The following EYS variants were observed in gnomAD, a reference collection of about 807,000 sequenced individuals.
The protein encoded by EYS is EGF-like photoreceptor maintenance factor.
Under a neutral mutation model 282.1 loss-of-function variants are expected in EYS, and 250 were observed. The observed-to-expected ratio is 0.89, with a 90% confidence interval of 0.80 to 0.98. The LOEUF (loss-of-function observed/expected upper bound fraction) is 0.98, where lower values mean the gene tolerates loss of function less well. Ranked by LOEUF, EYS falls within the 50% of genes least tolerant of loss-of-function variation. The probability of loss-of-function intolerance (pLI) is 0.00; values close to 1 mark genes in which losing one functional copy is unlikely to be tolerated. For synonymous variants in EYS, 1,355 were observed against 1,282.9 expected, an observed-to-expected ratio of 1.06 and a Z score of -1.20; for missense variants, 4,016 against 3,709.0, an observed-to-expected ratio of 1.08 and a Z score of -2.15.
chr6:64,530,409 C>A (rs992258461), intron 26 of EYS, among the ~76,000 whole-genome samples: 5 of 151,958 alleles, frequency 3.3e-5, no homozygotes, highest in Admixed American at 1.3e-4. Flanking sequence ...TTTATATCTG[C>A]AGGACATGTG....
chr6:64,747,697 C>T, intron 22 of EYS, among the ~76,000 whole-genome samples: 1 of 152,188 alleles, frequency 6.6e-6, no homozygotes, highest in East Asian at 1.9e-4. Context: ...CTTAATAGCG[C>T]CTTCATTTCT....
chr6:64,624,344 G>A (rs1288684370), intron 23 of EYS, among the ~76,000 whole-genome samples: 1 of 152,068 alleles, frequency 6.6e-6, no homozygotes, highest in Non-Finnish European at 1.5e-5. Context: ...GATACCTATT[G>A]TTATGATAAA....
intron 1 of EYS, among the ~76,000 whole-genome samples, chr6:65,690,023 T>A (rs1247658906): frequency 4.7e-5 from 7 of 149,772 alleles, no homozygotes; most frequent in African/African-American, 1.7e-4. Flanking sequence ...TAGTGAGGGA[T>A]TTAGGGTCAT....
chr6:64,689,718 C>A (rs1035935946), intron 22 of EYS, among the ~76,000 whole-genome samples: 1 of 152,068 alleles, frequency 6.6e-6, no homozygotes, highest in Non-Finnish European at 1.5e-5. Flanking sequence ...CAAAAACAAG[C>A]AATGGGGAAA....
rs1213107935 is a variant in EYS at position 65,368,864 on chromosome 6, G to A, written c.1300-15247C>T. 2.0e-5 allele frequency among the ~76,000 whole-genome samples: 3 copies of A among 151,506 alleles called. No individual in the cohort carries two copies. The East Asian group carries it at 5.8e-4, about 29-fold the overall frequency. ...CTTTCAGAGAGCCATTGAGAAATAT[G>A]TCCACGAAAGAGAGAGATGAGAGGA... is the stretch of plus-strand genomic sequence containing the variant. On this transcript the variant is annotated intron_variant, in intron 8 of 42. Transcript: ENST00000503581.
intron 22 of EYS, among the ~76,000 whole-genome samples, chr6:64,660,119 G>A (rs1768938491): frequency 6.6e-6 from 1 of 152,078 alleles, no homozygotes. Flanking sequence ...CATATAAACA[G>A]AACCAACGAC....
chr6:64,909,694 G>A (rs1767934213), intron 16 of EYS, among the ~76,000 whole-genome samples: 1 of 151,784 alleles, frequency 6.6e-6, no homozygotes, highest in South Asian at 2.1e-4. Flanking sequence ...CAATAGTTCT[G>A]GTGCTTAACT....
intron 1 of EYS, among the ~76,000 whole-genome samples, chr6:65,674,377 C>A (rs914317404): frequency 5.1e-4 from 73 of 142,844 alleles, no homozygotes; most frequent in African/African-American, 1.8e-3. Flanking sequence ...ATTTTAAAAG[C>A]CAGCACAATA....
At chr6:64,025,462 A>T (rs1268261980) in intron 33 of EYS, among the ~76,000 whole-genome samples, 1 of 152,064 alleles carries the variant, frequency 6.6e-6, no homozygotes, top group Non-Finnish European at 1.5e-5. Context: ...TACCAGACAA[A>T]CTTCCTCTCG....
intron 1 of EYS, among the ~76,000 whole-genome samples, chr6:65,667,998 T>C (rs1170793251): frequency 2.6e-5 from 4 of 151,880 alleles, no homozygotes; most frequent in African/African-American, 7.2e-5. Context: ...TGAATAGAAA[T>C]ATCAGCAAAT....
intron 33 of EYS, among the ~76,000 whole-genome samples, chr6:64,048,348 T>A (rs1207429945): frequency 6.6e-6 from 1 of 152,148 alleles, no homozygotes; most frequent in Non-Finnish European, 1.5e-5. Flanking sequence ...AGCTACTCCA[T>A]AACTTTCCAT....
At chr6:63,888,337 T>C (rs1415062834) in intron 35 of EYS, among the ~76,000 whole-genome samples, 9 of 152,226 alleles carry the variant, frequency 5.9e-5, no homozygotes, top group Non-Finnish European at 1.2e-4. Context: ...CTGTGCCTCC[T>C]GAAGGGGAGA....
chr6:63,844,334 A>C (rs1444319515), intron 36 of EYS, among the ~76,000 whole-genome samples: 1 of 152,218 alleles, frequency 6.6e-6, no homozygotes, highest in East Asian at 1.9e-4. Context: ...AAGCATCTTT[A>C]TAATAGAATC....
chr6:63,822,600 T>C (rs1219588118), intron 36 of EYS: 2 of 152,220 alleles, frequency 1.3e-5, no homozygotes, highest in Non-Finnish European at 2.9e-5. Context: ...AGTAAAGTTG[T>C]TTTATGTTTA....
intron 36 of EYS, chr6:63,821,132 A>G (rs533223692): frequency 1.3e-5 from 2 of 151,390 alleles, no homozygotes; most frequent in South Asian, 2.1e-4. Flanking sequence ...ATAATTTTCT[A>G]CATAGAAGTC....
intron 1 of EYS, among the ~76,000 whole-genome samples, chr6:65,697,700 A>G (rs977761236): frequency 6.6e-6 from 1 of 152,140 alleles, no homozygotes; most frequent in African/African-American, 2.4e-5. Context: ...ATCTAAATAG[A>G]AAGAGCCTGG....
intron 31 of EYS, among the ~76,000 whole-genome samples, chr6:64,129,514 C>T (rs1462670618): frequency 6.6e-6 from 1 of 151,978 alleles, no homozygotes; most frequent in Non-Finnish European, 1.5e-5. Context: ...GAGTTCATTG[C>T]AGATTCTGGA....
intron 19 of EYS, among the ~76,000 whole-genome samples, chr6:64,851,657 T>C (rs1294577111): frequency 6.6e-6 from 1 of 152,092 alleles, no homozygotes. Context: ...GGGACATGGA[T>C]AGAAGTGGAG....
chr6:64,748,319 C>T (rs1489180343), intron 22 of EYS, among the ~76,000 whole-genome samples: 1 of 152,184 alleles, frequency 6.6e-6, no homozygotes, highest in Non-Finnish European at 1.5e-5. Context: ...TTTTTTGGCA[C>T]CAGCGACCAG....
Sources: gnomAD v4.1 joint callset for allele counts (sites outside exome capture counted in the v4.1 genomes callset) on GRCh38, gnomAD v4.1.1 for gene constraint, MANE v1.5 for transcripts, NCBI Gene and HGNC (gene_info 2026-07-23, HGNC 2026-07-21) for gene names.